Variants in COX7B2 observed in about 807,000 individuals in gnomAD.
COX7B2 encodes cytochrome c oxidase subunit 7B2, mitochondrial.
For missense variants in COX7B2, 109 were observed against 95.9 expected (o/e 1.14, Z -0.57); for synonymous variants, 37 against 32.1 (o/e 1.15, Z -0.51).
At chr4:46,815,683 C>T (rs1044062670) in intron 2 of COX7B2, among the ~76,000 whole-genome samples, 2 of 152,120 alleles carry the variant, frequency 1.3e-5, no homozygotes, top group South Asian at 2.1e-4. Context: ...TCTTATTTCT[C>T]GTCCAAGATG....
At chr4:46,897,321 C>A (rs1196021409) in intron 1 of COX7B2, among the ~76,000 whole-genome samples, 1 of 152,152 alleles carries the variant, frequency 6.6e-6, no homozygotes, top group Non-Finnish European at 1.5e-5. Flanking sequence ...CGATATCTCT[C>A]CAGATTTCTT....
At chr4:46,818,806 G>A (rs1046115924) in intron 2 of COX7B2, among the ~76,000 whole-genome samples, 4 of 152,168 alleles carry the variant, frequency 2.6e-5, no homozygotes, top group Non-Finnish European at 4.4e-5. Context: ...ACCACAGATG[G>A]CATATTAGTC....
At chr4:46,761,201 C>T (rs2109472955) in intron 2 of COX7B2, among the ~76,000 whole-genome samples, 1 of 152,240 alleles carries the variant, frequency 6.6e-6, no homozygotes, top group Non-Finnish European at 1.5e-5. Context: ...TAAAAGGATG[C>T]TATGACATCA....
chr4:46,826,482 G>A (rs1714700202), intron 2 of COX7B2, among the ~76,000 whole-genome samples: 1 of 151,958 alleles, frequency 6.6e-6, no homozygotes, highest in South Asian at 2.1e-4. Flanking sequence ...ACAGCCACAA[G>A]CGGAAATACC....
At chr4:46,895,916 T>C (rs1400419678) in intron 1 of COX7B2, among the ~76,000 whole-genome samples, 1 of 152,164 alleles carries the variant, frequency 6.6e-6, no homozygotes, top group Non-Finnish European at 1.5e-5. Flanking sequence ...CTATTGCACT[T>C]TCACCACCTT....
At chr4:46,772,738 T>G (rs961805557) in intron 2 of COX7B2, among the ~76,000 whole-genome samples, 1 of 152,158 alleles carries the variant, frequency 6.6e-6, no homozygotes, top group East Asian at 1.9e-4. Flanking sequence ...TTTCAACTTA[T>G]GCAGGATTGT....
At chr4:46,783,326 C>T (rs1345765150) in intron 2 of COX7B2, among the ~76,000 whole-genome samples, 1 of 152,136 alleles carries the variant, frequency 6.6e-6, no homozygotes, top group East Asian at 1.9e-4. Flanking sequence ...TGGAAAAAGG[C>T]CAGTGTAATT....
chr4:46,901,077 T>A (rs1382499319), intron 1 of COX7B2, among the ~76,000 whole-genome samples: 1 of 152,240 alleles, frequency 6.6e-6, no homozygotes, highest in Non-Finnish European at 1.5e-5. Flanking sequence ...AATCTGCTTA[T>A]AAATTCAGAT....
At chr4:46,771,259 G>A (rs377591224) in intron 2 of COX7B2, among the ~76,000 whole-genome samples, 2 of 152,248 alleles carry the variant, frequency 1.3e-5, no homozygotes, top group African/African-American at 2.4e-5. Context: ...AAACTATAAT[G>A]AGACATTACC....
At chr4:46,903,213 T>G (rs1720172236) in intron 1 of COX7B2, among the ~76,000 whole-genome samples, 1 of 152,218 alleles carries the variant, frequency 6.6e-6, no homozygotes, top group East Asian at 1.9e-4. Context: ...TTTCATGCCC[T>G]TATGAGCTAC....
intron 2 of COX7B2, among the ~76,000 whole-genome samples, chr4:46,785,344 G>A (rs887323195): frequency 3.3e-5 from 5 of 151,488 alleles, no homozygotes; most frequent in Admixed American, 6.6e-5. Flanking sequence ...AAAAATGGAT[G>A]TGAAAGAATT....
chr4:46,909,059 A>AT (rs35626869), intron 1 of COX7B2, 101 bp downstream of exon 1: 33 of 151,812 alleles, frequency 2.2e-4, no homozygotes, highest in South Asian at 4.2e-4. Context: ...AAAAAAAAAA[A>AT]TTTCAAAATA....
At chr4:46,805,505 T>G (rs1718952012) in intron 2 of COX7B2, among the ~76,000 whole-genome samples, 1 of 152,242 alleles carries the variant, frequency 6.6e-6, no homozygotes, top group Non-Finnish European at 1.5e-5. Context: ...GGTAAATACA[T>G]CAATAATTCT....
intron 2 of COX7B2, among the ~76,000 whole-genome samples, chr4:46,751,081 C>T (rs1403131950): frequency 6.6e-6 from 1 of 152,170 alleles, no homozygotes; most frequent in Non-Finnish European, 1.5e-5. Context: ...TCACTTTCTA[C>T]ATCCCAGTGA....
In COX7B2 at chr4:46,832,431, T is replaced by A. The variant is rs551544467; in HGVS notation, c.-50+12529A>T. Among the ~76,000 whole-genome samples the A allele has an allele frequency of 9.9e-5, 15 of 152,244 alleles. No homozygotes were observed. In the South Asian group the frequency reaches 1.7e-3, roughly 17 times the overall value. ...CCAATTCCAGACACAAAAGCACACATAATTTCAAGCAACATCAAGTTAAAA... is the reference window on the plus strand; with the variant it reads ...CCAATTCCAGACACAAAAGCACACAAAATTTCAAGCAACATCAAGTTAAAA... On this transcript the variant is annotated intron_variant, in intron 2 of 2. Coordinates refer to ENST00000355591, the MANE Select transcript of COX7B2 (RefSeq NM_130902.3).
At chr4:46,831,759 A>C (rs1715124101) in intron 2 of COX7B2, among the ~76,000 whole-genome samples, 1 of 152,120 alleles carries the variant, frequency 6.6e-6, no homozygotes, top group Non-Finnish European at 1.5e-5. Context: ...AGGTTTGTAA[A>C]TGCACCAATC....
chr4:46,832,991 C>T (rs530093570), intron 2 of COX7B2, among the ~76,000 whole-genome samples: 13 of 152,098 alleles, frequency 8.5e-5, no homozygotes, highest in South Asian at 2.1e-4. Flanking sequence ...CCACAACCTC[C>T]GCCTCCCGGG....
intron 2 of COX7B2, among the ~76,000 whole-genome samples, chr4:46,798,543 G>A (rs1255363663): frequency 2.0e-5 from 3 of 152,140 alleles, no homozygotes; most frequent in African/African-American, 7.2e-5. Flanking sequence ...TGGGTGAATC[G>A]CAGTGCAGGC....
At chr4:46,827,519 C>T (rs1351880161) in intron 2 of COX7B2, among the ~76,000 whole-genome samples, 1 of 152,000 alleles carries the variant, frequency 6.6e-6, no homozygotes, top group Non-Finnish European at 1.5e-5. Flanking sequence ...AAGTACCCTA[C>T]AAAAATAAAG....
Sources: allele counts gnomAD v4.1 joint callset (sites outside exome capture counted in the v4.1 genomes callset), GRCh38; gene constraint gnomAD v4.1.1; transcripts MANE v1.5; gene names NCBI Gene and HGNC (gene_info 2026-07-23, HGNC 2026-07-21).